Variants in PTPRR observed in about 807,000 individuals in gnomAD.
PTPRR encodes receptor-type tyrosine-protein phosphatase R.
PTPRR carries 38 observed loss-of-function variants against 77.2 expected under a neutral mutation model. That is an observed-to-expected ratio of 0.49 (90% CI 0.38 to 0.65). The LOEUF is 0.65. Among genes scored for constraint, PTPRR ranks in the 30% least tolerant of loss-of-function variants. PTPRR has a pLI of 0.00. For missense variants in PTPRR, 744 were observed against 799.2 expected (o/e 0.93, Z 0.83); for synonymous variants, 299 against 283.1 (o/e 1.06, Z -0.57).
intron 2 of PTPRR, among the ~76,000 whole-genome samples, chr12:70,838,604 A>G (rs1207922153): frequency 6.6e-6 from 1 of 152,162 alleles, no homozygotes; most frequent in African/African-American, 2.4e-5. Flanking sequence ...AATATGGCGG[A>G]GGCATATAAC....
intron 2 of PTPRR, among the ~76,000 whole-genome samples, chr12:70,795,983 G>C (rs931622229): frequency 2.2e-5 from 3 of 135,806 alleles, no homozygotes; most frequent in African/African-American, 8.1e-5. Context: ...GAGTGCAGTG[G>C]TGCGATCTCG....
chr12:70,707,209 A>C (rs992919937), intron 6 of PTPRR, among the ~76,000 whole-genome samples: 10 of 152,148 alleles, frequency 6.6e-5, no homozygotes, highest in African/African-American at 2.2e-4. Context: ...CATGATTCAA[A>C]AATAATGCAT....
At chr12:70,803,133 A>AT (rs1360390769) in intron 2 of PTPRR, among the ~76,000 whole-genome samples, 1 of 152,196 alleles carries the variant, frequency 6.6e-6, no homozygotes, top group Non-Finnish European at 1.5e-5. Context: ...GTATGTGAAG[A>AT]TTTTGTCACT....
chr12:70,881,286 TAAGGG>T (rs1893145097), intron 2 of PTPRR, among the ~76,000 whole-genome samples: 1 of 152,186 alleles, frequency 6.6e-6, no homozygotes, highest in African/African-American at 2.4e-5. Flanking sequence ...ATGAAATAAT[TAAGGG>T]AAACTTAGCA....
chr12:70,780,085 G>A (rs1891172091), intron 2 of PTPRR, among the ~76,000 whole-genome samples: 1 of 151,996 alleles, frequency 6.6e-6, no homozygotes, highest in African/African-American at 2.4e-5. Flanking sequence ...TCCGCCTACT[G>A]GGTTTAAGTG....
At chr12:70,902,359 G>T (rs1386673187) in intron 1 of PTPRR, among the ~76,000 whole-genome samples, 1 of 151,786 alleles carries the variant, frequency 6.6e-6, no homozygotes, top group East Asian at 1.9e-4. Context: ...AAAGATACTT[G>T]CAAACACACG....
intron 6 of PTPRR, among the ~76,000 whole-genome samples, chr12:70,712,868 C>T (rs10879184): frequency 0.41 from 61,962 of 150,224 alleles, 14,779 homozygotes; most frequent in East Asian, 0.52. Flanking sequence ...ATATATACTC[C>T]CTCCTCTTTT....
intron 2 of PTPRR, among the ~76,000 whole-genome samples, chr12:70,802,133 G>T (rs1891627695): frequency 6.6e-6 from 1 of 151,768 alleles, no homozygotes; most frequent in South Asian, 2.1e-4. Context: ...TGATAGCAAA[G>T]AAAAAATGTT....
chr12:70,746,710 G>C (rs1241041275), intron 5 of PTPRR, among the ~76,000 whole-genome samples: 1 of 150,992 alleles, frequency 6.6e-6, no homozygotes, highest in Non-Finnish European at 1.5e-5. Flanking sequence ...ATTTTATTTC[G>C]ATACAGGATC....
rs987793683 is a variant in PTPRR, at chr12:70,722,506, A to G, written c.1008-21183T>C. Among the ~76,000 whole-genome samples the G allele has an allele frequency of 1.2e-4, 18 of 152,292 alleles. 1 individual carries two copies. Among genetic ancestry groups the G allele is most frequent in the African/African-American group, 4.3e-4 (18 of 41,572 alleles). On this transcript the variant is annotated intron_variant, in intron 6 of 13. Transcript: ENST00000283228. Reference sequence around the variant, plus strand: ...TTTTCTTTTTTAAGAGTCATAAACCATGAGTTTGAAAGAGGAGACTCCAAA... The same window carrying G: ...TTTTCTTTTTTAAGAGTCATAAACCGTGAGTTTGAAAGAGGAGACTCCAAA...
chr12:70,738,388 C>A (rs575127765), intron 6 of PTPRR, among the ~76,000 whole-genome samples: 1 of 152,130 alleles, frequency 6.6e-6, no homozygotes, highest in African/African-American at 2.4e-5. Flanking sequence ...GATGGCCCAC[C>A]AACTGATTAC....
intron 2 of PTPRR, among the ~76,000 whole-genome samples, chr12:70,805,079 A>G (rs1891685629): frequency 6.6e-6 from 1 of 152,052 alleles, no homozygotes; most frequent in East Asian, 1.9e-4. Flanking sequence ...TTTATTTTCT[A>G]TGATGTTATT....
chr12:70,874,993 C>T (rs144880366), intron 2 of PTPRR, among the ~76,000 whole-genome samples: 20 of 150,842 alleles, frequency 1.3e-4, no homozygotes, highest in African/African-American at 3.2e-4. Flanking sequence ...AGCACTAGCA[C>T]GTAGCAGCAA....
At chr12:70,775,641 A>T (rs7306190) in intron 2 of PTPRR, among the ~76,000 whole-genome samples, 1 of 152,060 alleles carries the variant, frequency 6.6e-6, no homozygotes, top group Non-Finnish European at 1.5e-5. Context: ...ACAAATGTCC[A>T]TCTTTCTTCC....
chr12:70,824,677 G>T (rs954596664), intron 2 of PTPRR, among the ~76,000 whole-genome samples: 1 of 152,262 alleles, frequency 6.6e-6, no homozygotes, highest in East Asian at 1.9e-4. Context: ...CTGCTGGTTC[G>T]TGTTGCTTTC....
chr12:70,727,114 G>A (rs1056056997), intron 6 of PTPRR, among the ~76,000 whole-genome samples: 4 of 151,988 alleles, frequency 2.6e-5, no homozygotes, highest in Non-Finnish European at 4.4e-5. Flanking sequence ...GTCAGACTTC[G>A]GTATCGTGGA....
At chr12:70,884,437 G>A (rs1001602103) in intron 2 of PTPRR, among the ~76,000 whole-genome samples, 5 of 152,144 alleles carry the variant, frequency 3.3e-5, no homozygotes, top group Admixed American at 3.3e-4. Flanking sequence ...CGGGAGAACA[G>A]TTCTTAACAA....
chr12:70,723,306 A>G (rs1230496022), intron 6 of PTPRR, among the ~76,000 whole-genome samples: 1 of 152,142 alleles, frequency 6.6e-6, no homozygotes, highest in East Asian at 1.9e-4. Context: ...TTGCAACCCT[A>G]AGCAGAAAAG....
At chr12:70,848,062 A>G (rs1481241554) in intron 2 of PTPRR, among the ~76,000 whole-genome samples, 1 of 152,184 alleles carries the variant, frequency 6.6e-6, no homozygotes, top group African/African-American at 2.4e-5. Flanking sequence ...GGTCATTACT[A>G]TAAATTACAA....
Sources: gnomAD v4.1 joint callset for allele counts (sites outside exome capture counted in the v4.1 genomes callset) on GRCh38, gnomAD v4.1.1 for gene constraint, MANE v1.5 for transcripts, NCBI Gene and HGNC (gene_info 2026-07-23, HGNC 2026-07-21) for gene names.